Variants in ADAM32 observed in about 807,000 individuals in gnomAD.
ADAM32 encodes the protein disintegrin and metalloproteinase domain-containing protein 32.
A neutral mutation model predicts 114.9 loss-of-function variants in ADAM32; 89 were observed. The observed-to-expected ratio is 0.77, with a 90% CI of 0.65 to 0.92. ADAM32 has a LOEUF of 0.92. Among genes scored for constraint, ADAM32 ranks in the 40% least tolerant of loss-of-function variants. ADAM32 has a pLI of 0.00. For missense variants in ADAM32, 870 were observed against 932.8 expected (o/e 0.93, Z 0.88); for synonymous variants, 285 against 307.5 (o/e 0.93, Z 0.77).
At chr8:39,235,122 G>A (rs970785273) in intron 16 of ADAM32, among the ~76,000 whole-genome samples, 1 of 151,648 alleles carries the variant, frequency 6.6e-6, no homozygotes, top group African/African-American at 2.4e-5. Flanking sequence ...TTGGATATAT[G>A]AAATAAATAA....
rs530875726 is a variant in ADAM32, at chr8:39,138,068, C to T, written c.200+1350C>T. 7.2e-5 allele frequency among the ~76,000 whole-genome samples: 11 copies of T among 152,194 alleles called. No homozygotes were observed. In the South Asian group the frequency reaches 1.7e-3, roughly 23 times the overall value. ...CTGCTTAATGATTATGATAGCCTAA[C>T]GACCATTAGGAAGCTACTGCAAATA... On this transcript the variant is annotated intron_variant, in intron 3 of 24. Transcript: ENST00000379907.
intron 10 of ADAM32, among the ~76,000 whole-genome samples, chr8:39,177,109 G>A (rs1321777190): frequency 6.6e-6 from 1 of 150,976 alleles, no homozygotes; most frequent in African/African-American, 2.4e-5. Flanking sequence ...GCCCAGGCTG[G>A]AGTGCCATGG....
chr8:39,252,347 A>G (rs945764490), intron 17 of ADAM32, among the ~76,000 whole-genome samples: 3 of 151,586 alleles, frequency 2.0e-5, no homozygotes, highest in Admixed American at 6.6e-5. Context: ...ACATGAGTGA[A>G]CAACCATTGG....
chr8:39,185,126 A>G (rs548970140), intron 10 of ADAM32, among the ~76,000 whole-genome samples: 3 of 152,066 alleles, frequency 2.0e-5, no homozygotes, highest in African/African-American at 4.8e-5. Flanking sequence ...TTAGCCAGGC[A>G]TAGTGGTGGG....
At chr8:39,132,799 C>G (rs1204928411) in intron 2 of ADAM32, among the ~76,000 whole-genome samples, 1 of 151,754 alleles carries the variant, frequency 6.6e-6, no homozygotes, top group Non-Finnish European at 1.5e-5. Context: ...TGCCTTCTGG[C>G]CTACATTATT....
At chr8:39,253,164 A>T (rs79775041) in intron 17 of ADAM32, among the ~76,000 whole-genome samples, 8,159 of 151,736 alleles carry the variant, frequency 0.054, 752 homozygotes, top group African/African-American at 0.19. Flanking sequence ...TCAATTAATG[A>T]GATATGCCAC....
intron 2 of ADAM32, among the ~76,000 whole-genome samples, chr8:39,122,771 G>T (rs1801854610): frequency 6.6e-6 from 1 of 152,140 alleles, no homozygotes; most frequent in Non-Finnish European, 1.5e-5. Context: ...GTTTTGCCAT[G>T]TTGGCCAGGC....
chr8:39,152,615 G>A (rs1384719546), intron 6 of ADAM32, among the ~76,000 whole-genome samples: 2 of 151,912 alleles, frequency 1.3e-5, no homozygotes, highest in East Asian at 1.9e-4. Flanking sequence ...CCAGCTACTC[G>A]GGAGCGGAGG....
chr8:39,180,700 C>A (rs1437465820), intron 10 of ADAM32, among the ~76,000 whole-genome samples: 1 of 152,170 alleles, frequency 6.6e-6, no homozygotes, highest in Non-Finnish European at 1.5e-5. Context: ...CAATCAGCAC[C>A]CTGTGTCTAG....
intron 7 of ADAM32, among the ~76,000 whole-genome samples, chr8:39,163,598 T>C (rs889745305): frequency 2.6e-5 from 4 of 152,244 alleles, no homozygotes; most frequent in African/African-American, 9.6e-5. Flanking sequence ...CTTGATTTGA[T>C]TGATTTATTC....
chr8:39,259,322 C>A (rs1811864111), intron 19 of ADAM32, among the ~76,000 whole-genome samples: 1 of 152,044 alleles, frequency 6.6e-6, no homozygotes, highest in African/African-American at 2.4e-5. Context: ...GCCCCAGCCT[C>A]CCCAGAAGCT....
At chr8:39,270,007 C>T (rs775616649) in intron 19 of ADAM32, among the ~76,000 whole-genome samples, 4 of 150,848 alleles carry the variant, frequency 2.7e-5, no homozygotes, top group Non-Finnish European at 4.4e-5. Flanking sequence ...CTTATAAAAC[C>T]GTCAGATCTC....
intron 11 of ADAM32, among the ~76,000 whole-genome samples, chr8:39,206,422 C>T (rs1410639146): frequency 3.9e-5 from 6 of 152,042 alleles, no homozygotes; most frequent in Non-Finnish European, 7.4e-5. Flanking sequence ...TCTCAGGTTT[C>T]CAGATGGTCT....
At chr8:39,275,146 G>T (rs1812994712) in intron 21 of ADAM32, among the ~76,000 whole-genome samples, 1 of 152,166 alleles carries the variant, frequency 6.6e-6, no homozygotes, top group African/African-American at 2.4e-5. Context: ...CCCATTTCAT[G>T]GGTGGTACAG....
At chr8:39,250,249 ATTCTG>A (rs1811201937) in intron 17 of ADAM32, among the ~76,000 whole-genome samples, 1 of 150,898 alleles carries the variant, frequency 6.6e-6, no homozygotes, top group Non-Finnish European at 1.5e-5. Flanking sequence ...GTTCTTGGAT[ATTCTG>A]TTCTGTTTTT....
chr8:39,195,578 T>C (rs752179265), intron 11 of ADAM32, among the ~76,000 whole-genome samples: 61 of 152,208 alleles, frequency 4.0e-4, no homozygotes, highest in Admixed American at 1.0e-3. Flanking sequence ...TTTAAGTCCT[T>C]AATCCGTTTT....
chr8:39,153,745 A>C (rs35227175), intron 6 of ADAM32, among the ~76,000 whole-genome samples: 428 of 152,254 alleles, frequency 2.8e-3, no homozygotes, highest in South Asian at 5.4e-3. Flanking sequence ...CTCCTGGGAG[A>C]ACTTTATTAG....
Position 39,186,064 on chromosome 8 carries a change from T to C in ADAM32, c.916-845T>C, listed in dbSNP as rs1422198517. The stretch of plus-strand genomic sequence containing the variant: ...AGCCATGTCAATCCATGACTACAGA[T>C]GAGTTACTTCATTGCTGCTGCAGAG... On this transcript the variant is annotated intron_variant, in intron 10 of 24. Coordinates refer to ENST00000379907, the MANE Select transcript of ADAM32 (RefSeq NM_145004.7). Among the ~76,000 whole-genome samples, 6 of 152,150 alleles carry C rather than the reference T, an allele frequency of 3.9e-5. No individual in the cohort carries two copies. In the East Asian group the frequency reaches 1.2e-3, roughly 29 times the overall value.
chr8:39,197,437 T>G (rs1030337563), intron 11 of ADAM32, among the ~76,000 whole-genome samples: 2 of 152,066 alleles, frequency 1.3e-5, no homozygotes, highest in Admixed American at 1.3e-4. Flanking sequence ...TATTTCTACT[T>G]TTTTGATGAC....
Sources: gnomAD v4.1 joint callset for allele counts (sites outside exome capture counted in the v4.1 genomes callset) on GRCh38, gnomAD v4.1.1 for gene constraint, MANE v1.5 for transcripts, NCBI Gene and HGNC (gene_info 2026-07-23, HGNC 2026-07-21) for gene names.